DCC: variants seen among roughly 807,000 people sequenced by gnomAD.
The protein encoded by DCC is DCC netrin 1 receptor, also known as netrin receptor DCC.
In DCC, 58 loss-of-function variants were observed where a neutral mutation model predicts 172.5. The observed-to-expected ratio is 0.34, with a 90% CI of 0.27 to 0.42. DCC has a LOEUF of 0.42. DCC is among the 10% of genes least tolerant of loss of function. The pLI is 1.00. For missense variants in DCC, 1,740 were observed against 1,791.0 expected, an observed-to-expected ratio of 0.97 and a Z score of 0.51; for synonymous variants, 709 against 644.5, an observed-to-expected ratio of 1.10 and a Z score of -1.52.
intron 1 of DCC, among the ~76,000 whole-genome samples, chr18:52,363,646 T>C (rs1196948700): frequency 6.6e-6 from 1 of 152,254 alleles, no homozygotes; most frequent in East Asian, 1.9e-4. Context: ...AACTAGGCTC[T>C]ACTGGTCAAT....
rs2046529836 is a variant in DCC, at chr18:53,531,979, A to G, written c.*1326A>G. 1 of 152,234 alleles carries G rather than the reference A, an allele frequency of 6.6e-6. No homozygotes were observed. Among genetic ancestry groups the G allele is most frequent in the East Asian group, 1.9e-4 (1 of 5,188 alleles). 9.4% of individuals were successfully genotyped at this position (152,234 alleles called of 1,614,324 possible). A position where few individuals can be genotyped will look rare whatever the true frequency, so the allele number is the denominator to read the frequency against. ...GTTTATCTACAGCTTGGAACTAGCTAAAATTAAGAACATTTTGTATGCAGC... is the reference window on the plus strand; with the variant it reads ...GTTTATCTACAGCTTGGAACTAGCTGAAATTAAGAACATTTTGTATGCAGC... On this transcript the variant is annotated 3_prime_UTR_variant, in exon 29 of 29. Coordinates refer to ENST00000442544, the MANE Select transcript of DCC (RefSeq NM_005215.4).
chr18:52,546,813 T>C (rs2032630144), intron 1 of DCC, among the ~76,000 whole-genome samples: 1 of 152,110 alleles, frequency 6.6e-6, no homozygotes, highest in African/African-American at 2.4e-5. Context: ...CCAATTCTCA[T>C]GCTCTGTAAA....
At chr18:53,431,042 G>C (rs1465167053) in intron 21 of DCC, among the ~76,000 whole-genome samples, 1 of 151,970 alleles carries the variant, frequency 6.6e-6, no homozygotes, top group East Asian at 1.9e-4. Context: ...GAAAGGAGAG[G>C]TATATGAAAT....
chr18:53,166,310 C>T (rs1397630388), intron 8 of DCC, among the ~76,000 whole-genome samples: 1 of 152,042 alleles, frequency 6.6e-6, no homozygotes, highest in Admixed American at 6.6e-5. Flanking sequence ...GCTTGACATA[C>T]CTTTACGACC....
chr18:53,419,946 C>G (rs1910539572), intron 21 of DCC, among the ~76,000 whole-genome samples: 1 of 151,992 alleles, frequency 6.6e-6, no homozygotes, highest in Admixed American at 6.6e-5. Flanking sequence ...CTCTGCCTCC[C>G]AGGTTCAAGC....
intron 1 of DCC, among the ~76,000 whole-genome samples, chr18:52,393,685 A>G (rs1019771379): frequency 1.3e-5 from 2 of 152,086 alleles, no homozygotes; most frequent in Middle Eastern, 3.2e-3. Context: ...AGGAAATTCT[A>G]AAACCTGTTC....
chr18:52,763,529 T>G (rs2037195788), intron 2 of DCC, among the ~76,000 whole-genome samples: 3 of 152,220 alleles, frequency 2.0e-5, no homozygotes, highest in Admixed American at 6.5e-5. Context: ...GTGGCCAGGT[T>G]TGGAATATGT....
intron 5 of DCC, among the ~76,000 whole-genome samples, chr18:53,013,433 C>G (rs557528328): frequency 1.1e-3 from 172 of 152,082 alleles, no homozygotes; most frequent in African/African-American, 3.8e-3. Context: ...CCTCAGCAAA[C>G]TAACACAGAA....
chr18:53,430,089 A>G (rs1261223808), intron 21 of DCC, among the ~76,000 whole-genome samples: 1 of 152,124 alleles, frequency 6.6e-6, no homozygotes, highest in Non-Finnish European at 1.5e-5. Context: ...GTAAAATTAT[A>G]TTCAGGTAAT....
intron 1 of DCC, among the ~76,000 whole-genome samples, chr18:52,482,695 A>G (rs562771456): frequency 6.6e-6 from 1 of 152,218 alleles, no homozygotes. Context: ...CATTTGGGGT[A>G]GAATTTCAAT....
chr18:53,444,595 G>T (rs1305387164), intron 22 of DCC, among the ~76,000 whole-genome samples: 1 of 152,158 alleles, frequency 6.6e-6, no homozygotes, highest in Admixed American at 6.5e-5. Context: ...AAAGGCAAAA[G>T]CCTCCATCAG....
chr18:52,652,641 G>T (rs2035158654), intron 1 of DCC, among the ~76,000 whole-genome samples: 1 of 151,098 alleles, frequency 6.6e-6, no homozygotes, highest in Admixed American at 6.6e-5. Flanking sequence ...TGGCTATCTT[G>T]TTCCTCTTTT....
At chr18:52,992,806 T>A (rs971465914) in intron 5 of DCC, among the ~76,000 whole-genome samples, 1 of 151,898 alleles carries the variant, frequency 6.6e-6, no homozygotes, top group Non-Finnish European at 1.5e-5. Flanking sequence ...CGAAATCACA[T>A]CTCTACCAAA....
At chr18:53,213,935 A>G (rs1276448305) in intron 11 of DCC, among the ~76,000 whole-genome samples, 1 of 151,752 alleles carries the variant, frequency 6.6e-6, no homozygotes, top group Non-Finnish European at 1.5e-5. Flanking sequence ...AACCCTGAAT[A>G]TGGAACCATT....
Position 52,751,956 on chromosome 18 carries a change from C to A in DCC, c.92-98C>A, listed in dbSNP as rs2037001207. On this transcript the variant is annotated intron_variant, in intron 1 of 28. Transcript: ENST00000442544. The stretch of plus-strand genomic sequence containing the variant: ...ATTCTTGGACATTGTTCAAAGCCCT[C>A]AGCTTTTGTGAAAAGCTTTGTAAAG... 3 of 1,044,914 alleles carry A rather than the reference C, an allele frequency of 2.9e-6. No individual in the cohort carries two copies. The South Asian group carries it at 4.1e-5, about 14-fold the overall frequency. 64.7% of individuals were successfully genotyped at this position (1,044,914 alleles called of 1,614,324 possible).
At chr18:52,972,594 TATATC>T (rs543643523) in intron 5 of DCC, among the ~76,000 whole-genome samples, 4 of 151,862 alleles carry the variant, frequency 2.6e-5, no homozygotes, top group Admixed American at 6.6e-5. Flanking sequence ...TGTAATAAAA[TATATC>T]ATATATTTAC....
chr18:52,530,916 G>A (rs2032130393), intron 1 of DCC, among the ~76,000 whole-genome samples: 1 of 152,126 alleles, frequency 6.6e-6, no homozygotes. Flanking sequence ...CCTCAAAATA[G>A]CAAGAAAGCC....
intron 2 of DCC, among the ~76,000 whole-genome samples, chr18:52,841,449 G>C (rs2038805513): frequency 6.6e-6 from 1 of 152,090 alleles, no homozygotes; most frequent in Non-Finnish European, 1.5e-5. Context: ...TCCACTAGCA[G>C]ATCCTAAATT....
chr18:53,271,654 A>G (rs1029049060), intron 12 of DCC, among the ~76,000 whole-genome samples: 7 of 152,162 alleles, frequency 4.6e-5, no homozygotes, highest in Non-Finnish European at 8.8e-5. Context: ...CCAGCAAGAC[A>G]GGGAAACTCA....
Sources: gnomAD v4.1 joint callset for allele counts (sites outside exome capture counted in the v4.1 genomes callset) on GRCh38, gnomAD v4.1.1 for gene constraint, MANE v1.5 for transcripts, NCBI Gene and HGNC (gene_info 2026-07-23, HGNC 2026-07-21) for gene names.